DNAH11: variants seen among roughly 807,000 people sequenced by gnomAD.
DNAH11 encodes the protein dynein axonemal heavy chain 11.
DNAH11 carries 442 observed loss-of-function variants against 526.0 expected under a neutral mutation model. The observed-to-expected ratio is 0.84, with a 90% CI of 0.78 to 0.91. The LOEUF is 0.91. Among genes scored for constraint, DNAH11 ranks in the 40% least tolerant of loss-of-function variants. The pLI, the probability that DNAH11 is intolerant of heterozygous loss-of-function variation, is 0.00. For synonymous variants in DNAH11, 2,461 were observed against 1,935.9 expected, an observed-to-expected ratio of 1.27 and a Z score of -7.12; for missense variants, 6,989 against 5,448.7, an observed-to-expected ratio of 1.28 and a Z score of -8.90.
At chr7:21,870,504 A>C (rs755547819) in intron 73 of DNAH11, among the ~76,000 whole-genome samples, 1 of 152,122 alleles carries the variant, frequency 6.6e-6, no homozygotes, top group Non-Finnish European at 1.5e-5. Context: ...TTTTCAGAGA[A>C]AACAGTTGAC....
rs977897074 is a variant in DNAH11 at position 21,711,778 on chromosome 7, C to G, written c.6901C>G (p.His2301Asp). The G allele has an allele frequency of 5.0e-6, 8 of 1,613,894 alleles. No individual in the cohort carries two copies. The highest frequency in any genetic ancestry group is 6.8e-6 in the Non-Finnish European group (8 of 1,179,826). ...CTTCATGAGGCTTCTGTTTGAGATA[C>G]ATCACTTAAGGAGCGCAACCCCGGC... is the stretch of plus-strand genomic sequence containing the variant. ...TPFMRLLFEI[H>D]HLRSATPATV... is the part of the protein sequence containing the mutation. Residue 2301 changes from histidine to aspartate, a missense_variant, in exon 42 of 82, where the codon CAT becomes GAT. By Grantham distance (81) the His-to-Asp change is moderately conservative (BLOSUM62 -1). Coordinates refer to ENST00000409508, the MANE Select transcript of DNAH11 (RefSeq NM_001277115.2).
intron 45 of DNAH11, among the ~76,000 whole-genome samples, chr7:21,728,907 CG>C (rs1163130255): frequency 6.6e-6 from 1 of 152,240 alleles, no homozygotes; most frequent in Non-Finnish European, 1.5e-5. Context: ...TGCCCTGTAC[CG>C]GGGCCCACTG....
At position 21,564,454 on chromosome 7, in the gene DNAH11, C is replaced by G. The variant is rs74430471; in HGVS notation, c.1194+57C>G. The G allele has an allele frequency of 2.3e-6, 3 of 1,309,224 alleles. No homozygotes were observed. In the Admixed American group the frequency reaches 5.6e-5, roughly 24 times the overall value. 81.1% of individuals were successfully genotyped at this position (1,309,224 alleles called of 1,614,324 possible). On this transcript the variant is annotated intron_variant, in intron 6 of 81. Transcript: ENST00000409508. ...AATTGTTGCTGTGAGGTAGGTTTTACGAGACTAGTGAAGAATAATCTAGTA... is the reference window on the plus strand; with the variant it reads ...AATTGTTGCTGTGAGGTAGGTTTTAGGAGACTAGTGAAGAATAATCTAGTA...
At chr7:21,583,856 T>C (rs939041432) in intron 9 of DNAH11, among the ~76,000 whole-genome samples, 1 of 152,064 alleles carries the variant, frequency 6.6e-6, no homozygotes. Context: ...ATTAGAGAAA[T>C]GCAAATCAAA....
chr7:21,627,782 A>C (rs1206054405), intron 25 of DNAH11, among the ~76,000 whole-genome samples: 1 of 152,080 alleles, frequency 6.6e-6, no homozygotes, highest in African/African-American at 2.4e-5. Context: ...ATTCCATATA[A>C]ATTTTGAAAC....
chr7:21,785,083 A>G (rs1479475128), intron 58 of DNAH11, among the ~76,000 whole-genome samples: 1 of 152,166 alleles, frequency 6.6e-6, no homozygotes, highest in Non-Finnish European at 1.5e-5. Flanking sequence ...GCATATTGTT[A>G]GGGAAAGTGA....
chr7:21,836,608 A>G (rs6960274), intron 65 of DNAH11, among the ~76,000 whole-genome samples: 1 of 152,214 alleles, frequency 6.6e-6, no homozygotes, highest in Non-Finnish European at 1.5e-5. Context: ...TAGATGAAAG[A>G]CTTAAATGTA....
chr7:21,874,558 A>G (rs368296772), intron 74 of DNAH11, among the ~76,000 whole-genome samples: 44 of 151,724 alleles, frequency 2.9e-4, no homozygotes, highest in African/African-American at 9.9e-4. Context: ...CTGGTCTCGA[A>G]CTCCTGACCT....
At chr7:21,765,360 A>C in intron 54 of DNAH11, 68 bp from the exon 55 acceptor site, 7 of 1,604,144 alleles carry the variant, frequency 4.4e-6, no homozygotes, top group Non-Finnish European at 6.0e-6. Flanking sequence ...TCATTGTCTA[A>C]GATTGCAATG....
intron 70 of DNAH11, among the ~76,000 whole-genome samples, chr7:21,865,931 C>G (rs2128033581): frequency 6.6e-6 from 1 of 152,276 alleles, no homozygotes; most frequent in East Asian, 1.9e-4. Flanking sequence ...CATTTGTAAA[C>G]TGTATGGCAC....
intron 54 of DNAH11, among the ~76,000 whole-genome samples, chr7:21,753,190 C>G (rs1367090484): frequency 6.6e-6 from 1 of 152,120 alleles, no homozygotes; most frequent in Non-Finnish European, 1.5e-5. Flanking sequence ...GCCTCCTGAT[C>G]ACAGGTGGGT....
At chr7:21,702,258 A>G (rs2041010) in intron 36 of DNAH11, among the ~76,000 whole-genome samples, 62,037 of 152,004 alleles carry the variant, frequency 0.41, 17,057 homozygotes, top group African/African-American at 0.75. Context: ...AGGCAGAAGT[A>G]TCTGATTAAG....
At chr7:21,593,598 A>T (rs899265623) in intron 14 of DNAH11, among the ~76,000 whole-genome samples, 1 of 152,142 alleles carries the variant, frequency 6.6e-6, no homozygotes, top group Non-Finnish European at 1.5e-5. Flanking sequence ...TACCTGTAGA[A>T]GGTGTCTTTA....
rs1789797878 is a variant in DNAH11, at chr7:21,816,494, G to C, written c.10360G>C (p.Asp3454His). ...TTCCATTCCACTAACCGAAGGCCTG[G>C]ACTTGATATCCATGTTGACGGATGA... ...KVSIPLTEGLDLISMLTDDAT... is the reference protein window; with the variant it reads ...KVSIPLTEGLHLISMLTDDAT... The change falls in exon 64 of 82, where the codon GAC (aspartate) becomes CAC (histidine). Residue 3454 changes from aspartate to histidine, a missense_variant. Transcript: ENST00000409508. 7 of 1,610,120 alleles carry C rather than the reference G, an allele frequency of 4.3e-6. No individual in the cohort carries two copies. The highest frequency in any genetic ancestry group is 5.9e-6 in the Non-Finnish European group (7 of 1,178,438).
At chr7:21,625,643 A>G (rs778041020) in intron 25 of DNAH11, among the ~76,000 whole-genome samples, 12 of 152,094 alleles carry the variant, frequency 7.9e-5, no homozygotes, top group Non-Finnish European at 1.3e-4. Flanking sequence ...ATTGCTAAAA[A>G]CTTCCCTCTT....
intron 42 of DNAH11, among the ~76,000 whole-genome samples, chr7:21,712,117 A>G (rs1784485402): frequency 1.3e-5 from 2 of 152,186 alleles, no homozygotes; most frequent in South Asian, 4.1e-4. Context: ...TACCGCATAT[A>G]AATGGAATCA....
chr7:21,635,999 G>T lies in DNAH11; in HGVS notation c.4629G>T (p.Trp1543Cys), dbSNP rs1322377546. ...IFTWMEVQRT[W>C]SHLESIFVCS... ...CTTGGATGGAAGTCCAGCGAACTTGGTCTCACCTGGAAAGCATTTTTGTCT... is the reference window on the plus strand; with the variant it reads ...CTTGGATGGAAGTCCAGCGAACTTGTTCTCACCTGGAAAGCATTTTTGTCT... The change falls in exon 26 of 82, where the codon TGG becomes TGT. Residue 1543 changes from tryptophan (W) to cysteine (C), a missense_variant. Coordinates refer to ENST00000409508, the MANE Select transcript of DNAH11 (RefSeq NM_001277115.2). 2.5e-6 allele frequency: 4 copies of T among 1,613,558 alleles called. No individual in the cohort carries two copies.
intron 62 of DNAH11, among the ~76,000 whole-genome samples, chr7:21,804,311 G>A (rs958680773): frequency 4.6e-5 from 7 of 151,868 alleles, no homozygotes; most frequent in South Asian, 2.1e-4. Context: ...GGGTTTCACC[G>A]TGTTAGCCAG....
intron 51 of DNAH11, 106 bp downstream of exon 51, chr7:21,745,169 T>A: frequency 8.9e-7 from 1 of 1,121,426 alleles, no homozygotes; most frequent in Non-Finnish European, 1.2e-6. Context: ...CCATCAGTTC[T>A]TATCTGCTGT....
Sources: gnomAD v4.1 joint callset for allele counts (sites outside exome capture counted in the v4.1 genomes callset) on GRCh38, gnomAD v4.1.1 for gene constraint, MANE v1.5 for transcripts, NCBI Gene and HGNC (gene_info 2026-07-23, HGNC 2026-07-21) for gene names.